SPANXN4: variants seen among roughly 807,000 people sequenced by gnomAD.
SPANXN4 encodes sperm protein associated with the nucleus on the X chromosome N4.
SPANXN4 carries 5 observed loss-of-function variants against 6.0 expected under a neutral mutation model. The ratio of observed to expected loss-of-function variants is 0.83; its 90% confidence interval spans 0.44 to 1.75. SPANXN4 has a LOEUF of 1.75. Ranked by LOEUF, SPANXN4 falls within the 40% of genes most tolerant of loss-of-function variation. SPANXN4 has a pLI of 0.02. For missense variants in SPANXN4, 157 were observed against 108.6 expected, an observed-to-expected ratio of 1.45 and a Z score of -1.98; for synonymous variants, 45 against 38.0, an observed-to-expected ratio of 1.19 and a Z score of -0.68.
chrX:143,033,731 G>T (rs368087312), intron 1 of SPANXN4, among the ~76,000 whole-genome samples: 2 of 111,969 alleles, frequency 1.8e-5, no homozygotes, highest in East Asian at 2.8e-4. Flanking sequence ...TAGTCAAGTG[G>T]TTAGACAGGA....
At chrX:143,031,848 T>C (rs1234549161) in intron 1 of SPANXN4, among the ~76,000 whole-genome samples, 1 of 111,339 alleles carries the variant, frequency 9.0e-6, no homozygotes, top group Admixed American at 9.5e-5. Context: ...TAAATGAAGG[T>C]GGATTTTGCC....
intron 1 of SPANXN4, among the ~76,000 whole-genome samples, chrX:143,033,674 G>T (rs191066124): frequency 3.6e-5 from 4 of 111,820 alleles, no homozygotes; most frequent in Non-Finnish European, 7.5e-5. Context: ...CCTTTGCCCA[G>T]AAAGATATGA....
chrX:143,027,302 A>G (rs760872031), intron 1 of SPANXN4, among the ~76,000 whole-genome samples: 1 of 111,731 alleles, frequency 9.0e-6, no homozygotes, highest in East Asian at 2.9e-4. Context: ...AGAGAGATAA[A>G]TGGGTTTTTG....
In SPANXN4 at chrX:143,026,087, G is replaced by A. The variant is rs758974407; in HGVS notation, c.73G>A (p.Asp25Asn). 8 of 1,202,490 alleles carry A rather than the reference G, an allele frequency of 6.7e-6. No homozygotes were observed. In the Admixed American group the frequency reaches 1.8e-4, roughly 27 times the overall value. Residue 25 changes from aspartate to asparagine, a missense_variant, in exon 1 of 3, where the codon GAC becomes AAC. Coordinates refer to ENST00000370504, the Ensembl canonical transcript of SPANXN4. ...CTGTGAATCTAACAAAAGAAAAGTT[G>A]ACAAGGTCAGATTGTTAGGTTTTGA... is the stretch of plus-strand genomic sequence containing the variant.
At chrX:143,028,853 A>G (rs993285729) in intron 1 of SPANXN4, among the ~76,000 whole-genome samples, 1 of 111,205 alleles carries the variant, frequency 9.0e-6, no homozygotes, top group Non-Finnish European at 1.9e-5. Flanking sequence ...TGTCTTAGTA[A>G]TATCTTTCAG....
intron 1 of SPANXN4, among the ~76,000 whole-genome samples, chrX:143,030,102 T>C (rs1208660679): frequency 9.3e-6 from 1 of 107,580 alleles, no homozygotes; most frequent in East Asian, 2.9e-4. Flanking sequence ...TGGGTTCAGG[T>C]GTTTTAAGAT....
intron 1 of SPANXN4, among the ~76,000 whole-genome samples, chrX:143,032,968 G>A (rs894351420): frequency 5.4e-5 from 6 of 111,895 alleles, no homozygotes; most frequent in East Asian, 2.8e-4. Flanking sequence ...AGTGGTGAGC[G>A]TTCTGAAGGT....
chrX:143,026,880 A>G (rs1932782069), intron 1 of SPANXN4, among the ~76,000 whole-genome samples: 1 of 112,141 alleles, frequency 8.9e-6, no homozygotes, highest in African/African-American at 3.2e-5. Flanking sequence ...CCCAGTGCTG[A>G]GTGCAGCAGA....
intron 1 of SPANXN4, among the ~76,000 whole-genome samples, chrX:143,028,419 C>T (rs1242794146): frequency 9.0e-6 from 1 of 110,589 alleles, no homozygotes; most frequent in Non-Finnish European, 1.9e-5. Context: ...AAGCCTGGGC[C>T]GTTTTAACCT....
chrX:143,035,113 A>T (rs1021616124), downstream of SPANXN4, among the ~76,000 whole-genome samples: 5 of 109,400 alleles, frequency 4.6e-5, no homozygotes, highest in Non-Finnish European at 9.5e-5. Context: ...CCTAAAAGAA[A>T]ATATCGTTTT....
chrX:143,036,968 C>A (rs972173294), downstream of SPANXN4, among the ~76,000 whole-genome samples: 11 of 111,371 alleles, frequency 9.9e-5, no homozygotes, highest in Admixed American at 5.7e-4. Flanking sequence ...TAAATGACAT[C>A]TATACGCATA....
chrX:143,032,590 T>C (rs774794206), intron 1 of SPANXN4, among the ~76,000 whole-genome samples: 3 of 108,208 alleles, frequency 2.8e-5, no homozygotes, highest in Non-Finnish European at 3.8e-5. Flanking sequence ...GGGAAAAAGA[T>C]TGGCAGAGAG....
downstream of SPANXN4, among the ~76,000 whole-genome samples, chrX:143,035,256 T>C (rs947689129): frequency 4.1e-4 from 45 of 110,725 alleles, no homozygotes; most frequent in African/African-American, 1.5e-3. Context: ...GGCCCAGTTT[T>C]ATTCCCCTTG....
At chrX:143,032,930 A>G (rs868202360) in intron 1 of SPANXN4, among the ~76,000 whole-genome samples, 4 of 111,921 alleles carry the variant, frequency 3.6e-5, no homozygotes, top group South Asian at 7.5e-4. Flanking sequence ...GCAGCTCTTC[A>G]CAGTCCCCTA....
chrX:143,033,106 C>A (rs751353078), intron 1 of SPANXN4, among the ~76,000 whole-genome samples: 4 of 111,786 alleles, frequency 3.6e-5, no homozygotes, highest in Admixed American at 9.5e-5. Context: ...GATTCACCCA[C>A]TAACTGGAGA....
chrX:143,037,805 A>G (rs2124374120), downstream of SPANXN4, among the ~76,000 whole-genome samples: 1 of 111,360 alleles, frequency 9.0e-6, no homozygotes, highest in South Asian at 3.8e-4. Flanking sequence ...AGTACTTGGT[A>G]GTTCCTCCTG....
At chrX:143,027,498 G>A (rs1043446667) in intron 1 of SPANXN4, among the ~76,000 whole-genome samples, 10 of 111,392 alleles carry the variant, frequency 9.0e-5, no homozygotes, top group African/African-American at 3.3e-4. Context: ...CAGTTAAGAG[G>A]CTGGCTATGA....
intron 1 of SPANXN4, among the ~76,000 whole-genome samples, chrX:143,026,568 T>C (rs928688885): frequency 2.7e-5 from 3 of 111,737 alleles, no homozygotes; most frequent in African/African-American, 9.8e-5. Context: ...CCTTCTACTT[T>C]ATCATAAAAG....
intron 1 of SPANXN4, among the ~76,000 whole-genome samples, chrX:143,031,859 C>T (rs958993390): frequency 2.7e-5 from 3 of 111,408 alleles, no homozygotes; most frequent in African/African-American, 9.8e-5. Context: ...GGATTTTGCC[C>T]TTATTGGTAT....
Sources: allele counts gnomAD v4.1 joint callset (sites outside exome capture counted in the v4.1 genomes callset), GRCh38; gene constraint gnomAD v4.1.1; transcripts MANE v1.5; gene names NCBI Gene and HGNC (gene_info 2026-07-23, HGNC 2026-07-21).